RPS6KA2: variants seen among roughly 807,000 people sequenced by gnomAD.
RPS6KA2 encodes ribosomal protein S6 kinase alpha-2.
In RPS6KA2, 42 loss-of-function variants were observed where a neutral mutation model predicts 91.8. The ratio of observed to expected loss-of-function variants is 0.46; its 90% CI spans 0.36 to 0.59. The LOEUF (loss-of-function observed/expected upper bound fraction) is 0.59. RPS6KA2 is among the 20% of genes least tolerant of loss of function. The pLI is 0.00. For synonymous variants in RPS6KA2, 414 were observed against 393.6 expected, an observed-to-expected ratio of 1.05 and a Z score of -0.61; for missense variants, 798 against 978.5, an observed-to-expected ratio of 0.82 and a Z score of 2.46.
intron 1 of RPS6KA2, among the ~76,000 whole-genome samples, chr6:166,598,961 G>T (rs1308604081): frequency 1.3e-5 from 2 of 152,222 alleles, no homozygotes; most frequent in African/African-American, 4.8e-5. Flanking sequence ...GCAGGGCCCA[G>T]CCCGGCCTGT....
chr6:166,680,409 G>C (rs1439757427), intron 2 of RPS6KA2, among the ~76,000 whole-genome samples: 1 of 152,218 alleles, frequency 6.6e-6, no homozygotes, highest in Non-Finnish European at 1.5e-5. Context: ...GGGAATAAAA[G>C]CAGGCCGCCC....
chr6:166,769,292 TCA>T (rs1251348861), intron 2 of RPS6KA2, among the ~76,000 whole-genome samples: 2 of 152,196 alleles, frequency 1.3e-5, no homozygotes, highest in Non-Finnish European at 2.9e-5. Flanking sequence ...ACACAGTTCA[TCA>T]CACATTTGGA....
intron 19 of RPS6KA2, among the ~76,000 whole-genome samples, chr6:166,416,927 C>T (rs533143501): frequency 2.2e-4 from 34 of 152,336 alleles, no homozygotes; most frequent in East Asian, 7.7e-4. Context: ...ATCACCTCCA[C>T]GCTCACTGCA....
chr6:166,518,564 T>G (rs1234240232), intron 3 of RPS6KA2, among the ~76,000 whole-genome samples: 4 of 152,178 alleles, frequency 2.6e-5, no homozygotes, highest in Non-Finnish European at 5.9e-5. Context: ...TGCAACATAT[T>G]CCAGATTAAA....
At chr6:166,453,383 A>G (rs954877785) in intron 12 of RPS6KA2, among the ~76,000 whole-genome samples, 1 of 152,206 alleles carries the variant, frequency 6.6e-6, no homozygotes, top group African/African-American at 2.4e-5. Flanking sequence ...ACAACAAAAC[A>G]AATAACCCCA....
At chr6:166,842,082 A>C (rs373591020) in intron 2 of RPS6KA2, among the ~76,000 whole-genome samples, 2 of 152,306 alleles carry the variant, frequency 1.3e-5, no homozygotes, top group African/African-American at 4.8e-5. Flanking sequence ...AAATCAGGTC[A>C]GCGTGCAACT....
chr6:166,649,421 G>T (rs1336536846), intron 2 of RPS6KA2, among the ~76,000 whole-genome samples: 1 of 152,084 alleles, frequency 6.6e-6, no homozygotes, highest in Non-Finnish European at 1.5e-5. Flanking sequence ...TCTGTTTCCG[G>T]GTCATCCTCC....
At chr6:166,837,133 C>T (rs957109145) in intron 2 of RPS6KA2, among the ~76,000 whole-genome samples, 13 of 152,190 alleles carry the variant, frequency 8.5e-5, no homozygotes, top group African/African-American at 2.7e-4. Context: ...CTGGGAGGTG[C>T]GTGGTGAGGC....
At position 166,413,803 on chromosome 6, in the gene RPS6KA2, G is replaced by A; in HGVS notation, c.2067C>T (p.His689=). ...SPNQLSRQDV[H]LVKGAMAATY... ...TGTCGCCTGCCGGTACCTTCACCAG[G>A]TGCACGTCCTGTCGGCTGAGCTGGT... The change falls in exon 20 of 21, where the codon CAC becomes CAT. Residue 689 remains histidine, a synonymous_variant. Transcript: ENST00000265678. The A allele has an allele frequency of 1.2e-6, 2 of 1,614,154 alleles. No individual in the cohort carries two copies. The highest frequency in any genetic ancestry group is 8.5e-7 in the Non-Finnish European group (1 of 1,179,994).
intron 1 of RPS6KA2, among the ~76,000 whole-genome samples, chr6:166,617,786 G>A (rs1015513479): frequency 3.3e-5 from 5 of 152,220 alleles, no homozygotes; most frequent in African/African-American, 7.2e-5. Flanking sequence ...GAATGGCCAC[G>A]CATGGCTCGG....
chr6:166,731,134 C>A (rs1038410331), intron 2 of RPS6KA2, among the ~76,000 whole-genome samples: 6 of 151,988 alleles, frequency 3.9e-5, no homozygotes, highest in African/African-American at 1.5e-4. Context: ...CCCAGCTACT[C>A]GGGAGGTTGG....
chr6:166,822,337 T>A (rs1161413698), intron 2 of RPS6KA2, among the ~76,000 whole-genome samples: 1 of 152,194 alleles, frequency 6.6e-6, no homozygotes, highest in Non-Finnish European at 1.5e-5. Flanking sequence ...CCAATCTGAC[T>A]GGTATCCTCA....
intron 4 of RPS6KA2, 23 bp downstream of exon 4, chr6:166,510,254 A>G (rs754637812): frequency 6.8e-7 from 1 of 1,476,584 alleles, no homozygotes; most frequent in Non-Finnish European, 9.4e-7. Context: ...TCCTCTTTAA[A>G]GTGTCATTTT....
At chr6:166,701,750 G>C in intron 2 of RPS6KA2, 1 of 1,250,460 alleles carries the variant, frequency 8.0e-7, no homozygotes, top group Non-Finnish European at 1.2e-6. Flanking sequence ...AAATGTGCTT[G>C]AAATCATAGA....
chr6:166,801,577 C>T (rs1779368212), intron 2 of RPS6KA2, among the ~76,000 whole-genome samples: 1 of 152,162 alleles, frequency 6.6e-6, no homozygotes, highest in Non-Finnish European at 1.5e-5. Context: ...CAACTCCTGG[C>T]CCCAAATGTT....
Position 166,504,552 on chromosome 6 carries a change from G to A in RPS6KA2, c.520C>T (p.His174Tyr). Residue 174 changes from histidine to tyrosine, a missense_variant, in exon 6 of 21, where the codon CAT (histidine) becomes TAT (tyrosine). Coordinates refer to ENST00000265678, the MANE Select transcript of RPS6KA2 (RefSeq NM_021135.6). Reference sequence around the variant, plus strand: ...TAGATGATCCCCAGGCTGTGGAGATGGTCTAAAGCCAAGGCCAGCTCAGCC... The same window carrying A: ...TAGATGATCCCCAGGCTGTGGAGATAGTCTAAAGCCAAGGCCAGCTCAGCC... Reference protein sequence around the residue: ...YLAELALALDHLHSLGIIYRD... With the variant: ...YLAELALALDYLHSLGIIYRD... 1 of 1,613,728 alleles carries A rather than the reference G, an allele frequency of 6.2e-7. No homozygotes were observed. Among genetic ancestry groups the A allele is most frequent in the Non-Finnish European group, 8.5e-7 (1 of 1,179,746 alleles).
At chr6:166,480,004 TC>T (rs1156352570) in intron 10 of RPS6KA2, among the ~76,000 whole-genome samples, 1 of 152,142 alleles carries the variant, frequency 6.6e-6, no homozygotes, top group Non-Finnish European at 1.5e-5. Context: ...CAGTTAACCG[TC>T]CCTGGGTGAT....
At chr6:166,613,832 G>C (rs1230160793) in intron 1 of RPS6KA2, among the ~76,000 whole-genome samples, 1 of 151,790 alleles carries the variant, frequency 6.6e-6, no homozygotes, top group Non-Finnish European at 1.5e-5. Context: ...GACACAGTCG[G>C]GCTTTCCACG....
intron 2 of RPS6KA2, among the ~76,000 whole-genome samples, chr6:166,746,378 A>G (rs1791013772): frequency 6.6e-6 from 1 of 152,150 alleles, no homozygotes; most frequent in Non-Finnish European, 1.5e-5. Context: ...AGTCAACCCA[A>G]CACTCTGACA....
Sources: gnomAD v4.1 joint callset for allele counts (sites outside exome capture counted in the v4.1 genomes callset) on GRCh38, gnomAD v4.1.1 for gene constraint, MANE v1.5 for transcripts, NCBI Gene and HGNC (gene_info 2026-07-23, HGNC 2026-07-21) for gene names.